FAT3: variants seen among roughly 807,000 people sequenced by gnomAD.
FAT3 encodes protocadherin Fat 3.
FAT3 carries 95 observed loss-of-function variants against 310.2 expected under a neutral mutation model. The observed-to-expected ratio is 0.31, with a 90% CI of 0.26 to 0.36. The LOEUF (loss-of-function observed/expected upper bound fraction) is 0.36. Among genes scored for constraint, FAT3 ranks in the 10% least tolerant of loss-of-function variants. The pLI is 1.00. For missense variants in FAT3, 5,408 were observed against 5,715.6 expected, an observed-to-expected ratio of 0.95 and a Z score of 1.74; for synonymous variants, 2,314 against 2,192.9, an observed-to-expected ratio of 1.06 and a Z score of -1.54.
intron 4 of FAT3, among the ~76,000 whole-genome samples, chr11:92,702,614 A>G (rs1944133917): frequency 6.6e-6 from 1 of 152,152 alleles, no homozygotes; most frequent in Admixed American, 6.5e-5. Flanking sequence ...ACACACTGCC[A>G]GTTCCCTTTC....
intron 2 of FAT3, among the ~76,000 whole-genome samples, chr11:92,508,750 T>G (rs1359522679): frequency 1.3e-5 from 2 of 152,076 alleles, no homozygotes; most frequent in Admixed American, 1.3e-4. Flanking sequence ...AAACTCAAAT[T>G]CTCAGCCCAA....
intron 22 of FAT3, among the ~76,000 whole-genome samples, chr11:92,875,140 A>G (rs965235988): frequency 1.9e-4 from 29 of 150,516 alleles, no homozygotes; most frequent in Non-Finnish European, 3.5e-4. Flanking sequence ...CAGAGGCTGA[A>G]CAATAGATAT....
chr11:92,260,548 T>G (rs560276127), intron 1 of FAT3, among the ~76,000 whole-genome samples: 1 of 152,064 alleles, frequency 6.6e-6, no homozygotes, highest in Admixed American at 6.6e-5. Flanking sequence ...TTTAAGGCTG[T>G]TAAGGCTCTG....
At chr11:92,392,376 G>A (rs922954757) in intron 2 of FAT3, among the ~76,000 whole-genome samples, 1 of 152,084 alleles carries the variant, frequency 6.6e-6, no homozygotes, top group Non-Finnish European at 1.5e-5. Context: ...TTTAAGAGAT[G>A]AAGAAATAAG....
chr11:92,607,588 G>A (rs982643786), intron 3 of FAT3, among the ~76,000 whole-genome samples: 1 of 152,210 alleles, frequency 6.6e-6, no homozygotes, highest in Non-Finnish European at 1.5e-5. Flanking sequence ...CTGTTCAGTT[G>A]TAAAACAAAT....
chr11:92,408,091 G>T (rs1260377931), intron 2 of FAT3: 2 of 152,200 alleles, frequency 1.3e-5, no homozygotes, highest in Non-Finnish European at 2.9e-5. Context: ...TCAAGATAAA[G>T]ATTCCAGCAG....
chr11:92,552,681 G>GGAT (rs1397547698), intron 3 of FAT3, among the ~76,000 whole-genome samples: 1 of 152,076 alleles, frequency 6.6e-6, no homozygotes, highest in Non-Finnish European at 1.5e-5. Context: ...TAAAGTCTCA[G>GGAT]GATTTGTTGA....
intron 4 of FAT3, among the ~76,000 whole-genome samples, chr11:92,752,007 C>T (rs1347106801): frequency 6.6e-6 from 1 of 151,990 alleles, no homozygotes. Context: ...GCAAAGCAGG[C>T]GTGCAATAAG....
chr11:92,591,883 C>G (rs1264905492), intron 3 of FAT3, among the ~76,000 whole-genome samples: 1 of 152,120 alleles, frequency 6.6e-6, no homozygotes, highest in Non-Finnish European at 1.5e-5. Context: ...GGCCGACTAC[C>G]TAGGCATTTA....
At chr11:92,858,505 T>C (rs1472421767) in intron 20 of FAT3, among the ~76,000 whole-genome samples, 1 of 152,186 alleles carries the variant, frequency 6.6e-6, no homozygotes, top group African/African-American at 2.4e-5. Flanking sequence ...AGGCAGCTTT[T>C]CAGCCATTAC....
Position 92,611,557 on chromosome 11 carries a change from C to T in FAT3, c.3608-85827C>T, listed in dbSNP as rs150370769. Among the ~76,000 whole-genome samples the T allele has an allele frequency of 5.7e-3, 861 of 152,180 alleles. 12 individuals carry two copies. The highest frequency in any genetic ancestry group is 0.02 in the African/African-American group (817 of 41,522). On this transcript the variant is annotated intron_variant, in intron 3 of 27. Coordinates refer to ENST00000525166, the MANE Select transcript of FAT3 (RefSeq NM_001367949.2). ...CAAGTTGGTGGAACTACGGGCCCAG[C>T]TAACTTTTGTATTTTTAGTAGAGAC...
At chr11:92,737,581 AAC>A (rs935151460) in intron 4 of FAT3, among the ~76,000 whole-genome samples, 6 of 152,158 alleles carry the variant, frequency 3.9e-5, no homozygotes, top group Non-Finnish European at 7.4e-5. Flanking sequence ...TTCATAAAGA[AAC>A]ACACAATAAA....
chr11:92,335,441 A>G (rs766460831), intron 1 of FAT3, among the ~76,000 whole-genome samples: 5 of 152,156 alleles, frequency 3.3e-5, no homozygotes, highest in Non-Finnish European at 5.9e-5. Context: ...AAGTGAGGTA[A>G]TTGTATGAAA....
intron 3 of FAT3, among the ~76,000 whole-genome samples, chr11:92,601,039 C>T (rs181205655): frequency 1.1e-4 from 16 of 151,922 alleles, no homozygotes; most frequent in African/African-American, 3.9e-4. Context: ...GGAGAGATGT[C>T]ATCAGAGAAG....
chr11:92,287,758 C>A (rs1270635134), intron 1 of FAT3, among the ~76,000 whole-genome samples: 1 of 152,136 alleles, frequency 6.6e-6, no homozygotes, highest in Non-Finnish European at 1.5e-5. Context: ...AAGTTCAGCT[C>A]TCCAAATGAT....
Position 92,880,886 on chromosome 11 carries a change from T to C in FAT3, c.12281+2T>C. 1 of 1,613,090 alleles carries C rather than the reference T, an allele frequency of 6.2e-7. No individual in the cohort carries two copies. The highest frequency in any genetic ancestry group is 8.5e-7 in the Non-Finnish European group (1 of 1,179,438). On this transcript the variant is annotated splice_donor_variant, in intron 23 of 27. Coordinates refer to ENST00000525166, the MANE Select transcript of FAT3 (RefSeq NM_001367949.2). LOFTEE classifies it high-confidence loss of function. ...TAAAGCTGGGCTCACTGGAGTCACG[T>C]AAGTGAGATTACATAAGTGTCTTTC... is the stretch of plus-strand genomic sequence containing the variant.
At position 92,800,248 on chromosome 11, in the gene FAT3, T is replaced by A. The variant is rs376781078; in HGVS notation, c.7235T>A (p.Phe2412Tyr). Residue 2412 changes from phenylalanine (F) to tyrosine (Y), a missense_variant, in exon 10 of 28, where the codon TTT (phenylalanine) becomes TAT (tyrosine). Physicochemically the swap from Phe to Tyr is conservative, Grantham distance 22. Transcript: ENST00000525166. ...YVSELAPRGHFVTCVQASDAD... is the reference protein window; with the variant it reads ...YVSELAPRGHYVTCVQASDAD... ...AGTGAATTAGCCCCCCGGGGCCATT[T>A]TGTAACCTGTGTACAAGCCTCTGAT... The A allele has an allele frequency of 2.1e-5, 34 of 1,613,996 alleles. No individual in the cohort carries two copies. Among genetic ancestry groups the A allele is most frequent in the Non-Finnish European group, 2.9e-5 (34 of 1,179,866 alleles).
At chr11:92,706,937 G>A (rs559618132) in intron 4 of FAT3, among the ~76,000 whole-genome samples, 4 of 152,332 alleles carry the variant, frequency 2.6e-5, no homozygotes, top group African/African-American at 9.6e-5. Context: ...GAACGGAAGG[G>A]TGCTGTGGAT....
intron 1 of FAT3, among the ~76,000 whole-genome samples, chr11:92,244,885 T>A (rs1864835686): frequency 6.6e-6 from 1 of 152,104 alleles, no homozygotes; most frequent in Non-Finnish European, 1.5e-5. Context: ...GCTTTTACAC[T>A]CTTGGTAGGA....
Sources: gnomAD v4.1 joint callset for allele counts (sites outside exome capture counted in the v4.1 genomes callset) on GRCh38, gnomAD v4.1.1 for gene constraint, MANE v1.5 for transcripts, NCBI Gene and HGNC (gene_info 2026-07-23, HGNC 2026-07-21) for gene names.